Variants in CCDC70 observed in about 807,000 individuals in gnomAD.
CCDC70 encodes coiled-coil domain-containing protein 70.
A neutral mutation model predicts 9.1 loss-of-function variants in CCDC70; 4 were observed. That is an observed-to-expected ratio of 0.44 (90% CI 0.22 to 1.00). The LOEUF (loss-of-function observed/expected upper bound fraction) is 1.00, where lower values mean the gene tolerates loss of function less well. Among genes scored for constraint, CCDC70 ranks in the 50% least tolerant of loss-of-function variants. CCDC70 has a pLI of 0.25. For synonymous variants in CCDC70, 119 were observed against 94.0 expected (o/e 1.27, Z -1.54); for missense variants, 308 against 271.3 (o/e 1.14, Z -0.95).
intron 1 of CCDC70, among the ~76,000 whole-genome samples, chr13:51,865,055 T>A (rs1956409699): frequency 6.6e-6 from 1 of 152,234 alleles, no homozygotes; most frequent in Admixed American, 6.5e-5. Flanking sequence ...CCTCATCATG[T>A]CACACCTATG....
chr13:51,865,482 G>A lies in CCDC70; in HGVS notation c.71G>A (p.Ser24Asn), dbSNP rs1254204409. 6.2e-7 allele frequency: 1 copy of A among 1,614,184 alleles called. No homozygotes were observed. The highest frequency in any genetic ancestry group is 1.3e-5 in the African/African-American group (1 of 75,048). Reference protein sequence around the residue: ...CFRSLAASSPSIRQKKLMHKL... With the variant: ...CFRSLAASSPNIRQKKLMHKL... ...CGGTCCCTGGCGGCATCCTCTCCCA[G>A]TATTCGCCAGAAGAAACTAATGCAC... is the stretch of plus-strand genomic sequence containing the variant. Residue 24 changes from serine to asparagine, a missense_variant, in exon 2 of 2, where the codon AGT becomes AAT. By Grantham distance (46) the Ser-to-Asn change is conservative (BLOSUM62 1). Transcript: ENST00000242819.
chr13:51,865,309 T>C (rs1171608116), intron 1 of CCDC70, 23 bp from the exon 2 acceptor site: 6 of 1,303,782 alleles, frequency 4.6e-6, no homozygotes, highest in Non-Finnish European at 6.4e-6. Context: ...CTCATAGATC[T>C]GTCTTTTCTG....
chr13:51,865,735 A>C lies in CCDC70; in HGVS notation c.324A>C (p.Lys108Asn). Residue 108 changes from lysine to asparagine, a missense_variant, in exon 2 of 2, where the codon AAA becomes AAC. Transcript: ENST00000242819. ...EMEKSFREEE[K>N]TFWKKYRTFW... ...AAAAGTCTTTCAGGGAGGAAGAGAA[A>C]ACTTTCTGGAAAAAGTACCGCACTT... 6.2e-7 allele frequency: 1 copy of C among 1,614,042 alleles called. No homozygotes were observed. Among genetic ancestry groups the C allele is most frequent in the African/African-American group, 1.3e-5 (1 of 74,984 alleles).
intron 1 of CCDC70, among the ~76,000 whole-genome samples, chr13:51,864,611 T>C (rs546363674): frequency 1.0e-3 from 155 of 152,322 alleles, no homozygotes; most frequent in South Asian, 3.3e-3. Flanking sequence ...GGGATGGTCA[T>C]TGGATTGTTT....
chr13:51,865,692 A>T lies in CCDC70; in HGVS notation c.281A>T (p.Lys94Ile). Residue 94 changes from lysine to isoleucine, a missense_variant, in exon 2 of 2, where the codon AAA becomes ATA. Coordinates refer to ENST00000242819, the MANE Select transcript of CCDC70 (RefSeq NM_031290.4). ...EEEKTFWKEE[K>I]SFWEMEKSFR... ...GAGAAAACCTTCTGGAAAGAGGAAA[A>T]ATCCTTCTGGGAAATGGAAAAGTCT... 1 of 1,614,176 alleles carries T rather than the reference A, an allele frequency of 6.2e-7. No homozygotes were observed. Among genetic ancestry groups the T allele is most frequent in the Non-Finnish European group, 8.5e-7 (1 of 1,180,024 alleles).
rs61730661 is a variant in CCDC70 at position 51,865,755 on chromosome 13, G to A, written c.344G>A (p.Arg115His). 7.1e-5 allele frequency: 114 copies of A among 1,614,010 alleles called. No homozygotes were observed. Among genetic ancestry groups the A allele is most frequent in the African/African-American group, 5.5e-4 (41 of 74,898 alleles). ...EEEKTFWKKYRTFWKEDKAFW... is the reference protein window; with the variant it reads ...EEEKTFWKKYHTFWKEDKAFW... ...GAGAAAACTTTCTGGAAAAAGTACCGCACTTTCTGGAAGGAGGATAAGGCC... is the reference window on the plus strand; with the variant it reads ...GAGAAAACTTTCTGGAAAAAGTACCACACTTTCTGGAAGGAGGATAAGGCC... The change falls in exon 2 of 2, where the codon CGC (arginine) becomes CAC (histidine). Residue 115 changes from arginine (R) to histidine (H), a missense_variant. Coordinates refer to ENST00000242819, the MANE Select transcript of CCDC70 (RefSeq NM_031290.4).
At chr13:51,864,831 G>C (rs982226968) in intron 1 of CCDC70, among the ~76,000 whole-genome samples, 6 of 152,030 alleles carry the variant, frequency 3.9e-5, no homozygotes, top group African/African-American at 1.2e-4. Context: ...TCACCTTTTT[G>C]TTTTAAACCA....
chr13:51,865,348 C>A lies in CCDC70; in HGVS notation c.-64C>A. On this transcript the variant is annotated 5_prime_UTR_variant, in exon 2 of 2. The change creates a new upstream start codon in the 5' untranslated region. Coordinates refer to ENST00000242819, the MANE Select transcript of CCDC70 (RefSeq NM_031290.4). ...CCCCCACAGGGTCTGACCAGCCGACCTGGACCTGGCCAAGGGTCCTGTCAT... is the reference window on the plus strand; with the variant it reads ...CCCCCACAGGGTCTGACCAGCCGACATGGACCTGGCCAAGGGTCCTGTCAT... 6.5e-7 allele frequency: 1 copy of A among 1,544,380 alleles called. No homozygotes were observed. The highest frequency in any genetic ancestry group is 1.4e-5 in the African/African-American group (1 of 72,534).
chr13:51,864,536 T>C (rs766139460), intron 1 of CCDC70, among the ~76,000 whole-genome samples: 120 of 152,388 alleles, frequency 7.9e-4, no homozygotes, highest in Non-Finnish European at 2.5e-4. Context: ...GATTTACCCA[T>C]GCTGTTGTAG....
intron 1 of CCDC70, among the ~76,000 whole-genome samples, chr13:51,862,600 T>C (rs1042806581): frequency 1.3e-5 from 2 of 152,040 alleles, no homozygotes; most frequent in African/African-American, 2.4e-5. Flanking sequence ...ATGCCAGACA[T>C]AGAGATGGAA....
At position 51,866,094 on chromosome 13, in the gene CCDC70, G is replaced by A; in HGVS notation, c.*14G>A. 2.6e-6 allele frequency: 4 copies of A among 1,549,806 alleles called. No individual in the cohort carries two copies. Among genetic ancestry groups the A allele is most frequent in the Non-Finnish European group, 3.5e-6 (4 of 1,151,198 alleles). On this transcript the variant is annotated 3_prime_UTR_variant, in exon 2 of 2. Coordinates refer to ENST00000242819, the MANE Select transcript of CCDC70 (RefSeq NM_031290.4). Reference sequence around the variant, plus strand: ...GGCAGGGCGTAGCCAGCATGCAGGTGCAGGGCCCTGTGGTCCAGACTCCCC... The same window carrying A: ...GGCAGGGCGTAGCCAGCATGCAGGTACAGGGCCCTGTGGTCCAGACTCCCC...
At position 51,865,654 on chromosome 13, in the gene CCDC70, T is replaced by C. The variant is rs1593608965; in HGVS notation, c.243T>C (p.Pro81=). 2 of 1,614,130 alleles carry C rather than the reference T, an allele frequency of 1.2e-6. No individual in the cohort carries two copies. Among genetic ancestry groups the C allele is most frequent in the African/African-American group, 1.3e-5 (1 of 75,026 alleles). Residue 81 remains proline, a synonymous_variant, in exon 2 of 2, where the codon CCT becomes CCC. Transcript: ENST00000242819. ...TGGGTTTTTGGGAAGAGGAGAGACC[T>C]TTCTGGGAAGAGGAGAAAACCTTCT... The part of the protein sequence containing the change: ...QILGFWEEER[P]FWEEEKTFWK...
chr13:51,863,388 G>A (rs978655757), intron 1 of CCDC70, among the ~76,000 whole-genome samples: 7 of 152,170 alleles, frequency 4.6e-5, no homozygotes, highest in Non-Finnish European at 1.0e-4. Context: ...ACAGTGCAGG[G>A]GCAGATGAGA....
At chr13:51,863,852 C>A (rs945403951) in intron 1 of CCDC70, among the ~76,000 whole-genome samples, 2 of 152,212 alleles carry the variant, frequency 1.3e-5, no homozygotes, top group Non-Finnish European at 2.9e-5. Flanking sequence ...CGGACCCTGG[C>A]AGCTTCCTCC....
At chr13:51,862,408 T>C (rs984212615) in intron 1 of CCDC70, among the ~76,000 whole-genome samples, 179 bp downstream of exon 1, 1 of 152,258 alleles carries the variant, frequency 6.6e-6, no homozygotes, top group Non-Finnish European at 1.5e-5. Context: ...TTGTACTTTA[T>C]ATTTTAATAC....
At chr13:51,863,388 G>T (rs978655757) in intron 1 of CCDC70, among the ~76,000 whole-genome samples, 1 of 152,170 alleles carries the variant, frequency 6.6e-6, no homozygotes. Context: ...ACAGTGCAGG[G>T]GCAGATGAGA....
intron 1 of CCDC70, among the ~76,000 whole-genome samples, chr13:51,863,592 G>A (rs1956396697): frequency 6.6e-6 from 1 of 151,834 alleles, no homozygotes; most frequent in Admixed American, 6.6e-5. Context: ...CCCTGGTTCT[G>A]GTTTGTGTGA....
intron 1 of CCDC70, among the ~76,000 whole-genome samples, chr13:51,863,852 C>T (rs945403951): frequency 6.6e-6 from 1 of 152,330 alleles, no homozygotes; most frequent in Non-Finnish European, 1.5e-5. Flanking sequence ...CGGACCCTGG[C>T]AGCTTCCTCC....
rs914970023 is a variant in CCDC70 at position 51,865,823 on chromosome 13, C to T, written c.412C>T (p.Leu138Phe). The T allele has an allele frequency of 3.1e-6, 5 of 1,614,078 alleles. No individual in the cohort carries two copies. The African/African-American group carries it at 6.7e-5, about 22-fold the overall frequency. The change falls in exon 2 of 2, where the codon CTT (leucine) becomes TTT (phenylalanine). Residue 138 changes from leucine to phenylalanine, a missense_variant. Transcript: ENST00000242819. ...DNALWERDRN[L>F]LQEDKALWEE... is the part of the protein sequence containing the mutation. ...TGCCTTATGGGAAAGAGACCGGAAC[C>T]TTCTTCAGGAGGACAAGGCCCTGTG...
Sources: gnomAD v4.1 joint callset for allele counts (sites outside exome capture counted in the v4.1 genomes callset) on GRCh38, gnomAD v4.1.1 for gene constraint, MANE v1.5 for transcripts, NCBI Gene and HGNC (gene_info 2026-07-23, HGNC 2026-07-21) for gene names.